The following PHTF2 variants were observed in gnomAD, a reference collection of about 807,000 sequenced individuals.
PHTF2 encodes putative homeodomain transcription factor 2, also known as protein PHTF2.
PHTF2 carries 60 observed loss-of-function variants against 101.2 expected under a neutral mutation model. The observed-to-expected ratio is 0.59, with a 90% CI of 0.48 to 0.73. The LOEUF is 0.73. Among genes scored for constraint, PHTF2 ranks in the 30% least tolerant of loss-of-function variants. The probability of loss-of-function intolerance (pLI) is 0.00; values close to 1 mark genes in which losing one functional copy is unlikely to be tolerated. For missense variants in PHTF2, 747 were observed against 908.7 expected (o/e 0.82, Z 2.29); for synonymous variants, 311 against 307.3 (o/e 1.01, Z -0.13).
At chr7:77,946,806 A>G (rs1806084214) in intron 16 of PHTF2, among the ~76,000 whole-genome samples, 1 of 152,198 alleles carries the variant, frequency 6.6e-6, no homozygotes, top group African/African-American at 2.4e-5. Context: ...CATCTGTTAT[A>G]TACAGAAATA....
intron 10 of PHTF2, among the ~76,000 whole-genome samples, chr7:77,921,897 A>G (rs932593798): frequency 6.6e-6 from 1 of 152,096 alleles, no homozygotes; most frequent in Non-Finnish European, 1.5e-5. Context: ...CCTGTAAACC[A>G]TTATTAAATT....
chr7:77,820,119 C>A (rs1471662010), intron 1 of PHTF2, among the ~76,000 whole-genome samples: 1 of 152,114 alleles, frequency 6.6e-6, no homozygotes, highest in African/African-American at 2.4e-5. Context: ...AAACTCTCGA[C>A]CTCAGATGAT....
At chr7:77,934,774 C>G (rs956659278) in intron 12 of PHTF2, among the ~76,000 whole-genome samples, 11 of 151,942 alleles carry the variant, frequency 7.2e-5, no homozygotes. Context: ...TGGTGAAACT[C>G]CATCTCTATT....
chr7:77,929,137 G>T, exon 12 of PHTF2: 1 of 1,613,824 alleles, frequency 6.2e-7, no homozygotes, highest in Non-Finnish European at 8.5e-7. Flanking sequence ...ACTAGTTGCA[G>T]CTCTCGCTGT....
intron 2 of PHTF2, among the ~76,000 whole-genome samples, chr7:77,853,347 A>G (rs978612304): frequency 2.7e-5 from 4 of 145,682 alleles, no homozygotes; most frequent in Non-Finnish European, 5.9e-5. Context: ...TCTGCTGTTG[A>G]CAGACTTTGA....
chr7:77,919,337 A>T (rs1803230864), intron 9 of PHTF2, among the ~76,000 whole-genome samples: 1 of 152,288 alleles, frequency 6.6e-6, no homozygotes, highest in Non-Finnish European at 1.5e-5. Context: ...ACCTAACTGA[A>T]GGCAATATAC....
chr7:77,849,961 T>C (rs1796605840), intron 2 of PHTF2, among the ~76,000 whole-genome samples: 1 of 151,420 alleles, frequency 6.6e-6, no homozygotes, highest in African/African-American at 2.4e-5. Context: ...ACAAGGATAA[T>C]TGGACTTCTT....
At chr7:77,949,758 T>A in exon 17 of PHTF2, 1 of 1,546,866 alleles carries the variant, frequency 6.5e-7, no homozygotes, top group Non-Finnish European at 8.9e-7. Flanking sequence ...TAACACTTTT[T>A]CTCCTAAGAT....
chr7:77,894,348 T>TA (rs554498254), intron 5 of PHTF2, among the ~76,000 whole-genome samples: 123 of 152,348 alleles, frequency 8.1e-4, no homozygotes, highest in African/African-American at 2.9e-3. Flanking sequence ...CAGTGTGTTT[T>TA]TGCACGAGCT....
intron 3 of PHTF2, among the ~76,000 whole-genome samples, chr7:77,869,597 C>A (rs1320786043): frequency 3.3e-5 from 5 of 152,156 alleles, no homozygotes; most frequent in African/African-American, 4.8e-5. Context: ...ATTGCTAGAT[C>A]ATATGGTAGT....
intron 1 of PHTF2, among the ~76,000 whole-genome samples, chr7:77,808,565 T>C (rs1466923886): frequency 3.3e-5 from 5 of 152,256 alleles, no homozygotes; most frequent in African/African-American, 1.2e-4. Flanking sequence ...TTTCCCTTGC[T>C]TCAGGTAGTT....
intron 3 of PHTF2, among the ~76,000 whole-genome samples, chr7:77,874,031 A>C (rs1443307971): frequency 2.0e-5 from 3 of 152,036 alleles, no homozygotes; most frequent in Non-Finnish European, 4.4e-5. Flanking sequence ...TTCTTTCATC[A>C]CTTTGTCCAC....
chr7:77,913,526 C>T (rs1336145662), intron 9 of PHTF2, among the ~76,000 whole-genome samples: 3 of 151,862 alleles, frequency 2.0e-5, no homozygotes, highest in Non-Finnish European at 2.9e-5. Flanking sequence ...GATTGTGTGT[C>T]GTTCAGCATA....
rs919973053 is a variant in PHTF2, at chr7:77,925,477, T to C, written c.1119+2699T>C. On this transcript the variant is annotated intron_variant, in intron 11 of 19. Coordinates refer to ENST00000416283, the Ensembl canonical transcript of PHTF2. ...ATTCTATTTGAAATTTAGGCAATTA[T>C]AGGCAATAGTTTTTAGGGTTTTTTT... Among the ~76,000 whole-genome samples, 63 of 149,744 alleles carry C rather than the reference T, an allele frequency of 4.2e-4. 1 individual carries two copies. Among genetic ancestry groups the C allele is most frequent in the Admixed American group, 4.0e-4 (6 of 15,014 alleles).
chr7:77,924,139 AAAG>A (rs1248492977), intron 11 of PHTF2: 2 of 957,430 alleles, frequency 2.1e-6, no homozygotes, highest in African/African-American at 3.5e-5. Flanking sequence ...TTTCTAAAAA[AAAG>A]CAAAATAAAG....
chr7:77,943,300 A>AT (rs992026070), intron 16 of PHTF2, among the ~76,000 whole-genome samples: 11 of 151,554 alleles, frequency 7.3e-5, no homozygotes, highest in East Asian at 2.0e-4. Context: ...TATTTTTTGT[A>AT]TTTTTTTTAG....
intron 2 of PHTF2, among the ~76,000 whole-genome samples, chr7:77,841,633 T>C (rs1330341719): frequency 2.0e-5 from 3 of 152,192 alleles, no homozygotes; most frequent in Admixed American, 6.5e-5. Context: ...AGATGTGTTA[T>C]TTGTTTTCTG....
At position 77,947,836 on chromosome 7, in the gene PHTF2, TC is replaced by T. The variant is rs1286871677; in HGVS notation, c.1960-1841del. On this transcript the variant is annotated intron_variant, in intron 16 of 19. Transcript: ENST00000416283. ...TTTATTTTCTTTTTTCTTTTTTCTT[TC>T]TTTTTTTTTTTTTTTTTTGAGACAG... Among the ~76,000 whole-genome samples, 73 of 110,546 alleles carry T rather than the reference TC, an allele frequency of 6.6e-4. 2 individuals are homozygous for T. The highest frequency in any genetic ancestry group is 2.7e-3 in the African/African-American group (70 of 25,882). The allele number at this position is 110,546 out of a possible 152,430, so 72.5% of individuals were successfully genotyped here. A position where few individuals can be genotyped will look rare whatever the true frequency, so the allele number is the denominator to read the frequency against.
At chr7:77,855,820 A>G (rs1215155903) in intron 3 of PHTF2, among the ~76,000 whole-genome samples, 1 of 152,146 alleles carries the variant, frequency 6.6e-6, no homozygotes, top group African/African-American at 2.4e-5. Context: ...AAGCACGTTG[A>G]TATACTCTGT....
Sources: gnomAD v4.1 joint callset for allele counts (sites outside exome capture counted in the v4.1 genomes callset) on GRCh38, gnomAD v4.1.1 for gene constraint, MANE v1.5 for transcripts, NCBI Gene and HGNC (gene_info 2026-07-23, HGNC 2026-07-21) for gene names.